The following OPTC variants were observed in gnomAD, a reference collection of about 807,000 sequenced individuals.
The protein encoded by OPTC is opticin.
In OPTC, 22 loss-of-function variants were observed where a neutral mutation model predicts 25.4. The observed-to-expected ratio is 0.87, with a 90% CI of 0.62 to 1.24. The LOEUF (loss-of-function observed/expected upper bound fraction) is 1.24, where lower values mean the gene tolerates loss of function less well. OPTC is among the 50% of genes most tolerant of loss of function. OPTC has a pLI of 0.00. For missense variants in OPTC, 417 were observed against 425.2 expected (o/e 0.98, Z 0.17); for synonymous variants, 169 against 179.3 (o/e 0.94, Z 0.46).
At chr1:203,502,148 A>C (rs943979073) in intron 5 of OPTC, among the ~76,000 whole-genome samples, 1 of 152,258 alleles carries the variant, frequency 6.6e-6, no homozygotes, top group Non-Finnish European at 1.5e-5. Context: ...TAGATGCTCC[A>C]TAAATGGTAA....
chr1:203,506,196 G>C (rs1225406187), intron 7 of OPTC, among the ~76,000 whole-genome samples: 1 of 143,700 alleles, frequency 7.0e-6, no homozygotes, highest in Non-Finnish European at 1.5e-5. Context: ...TTGTTGCCCA[G>C]GGGGGAGTGC....
rs1661344121 is a variant in OPTC at position 203,499,732 on chromosome 1, G to C, written c.613G>C (p.Asp205His). The C allele has an allele frequency of 6.2e-7, 1 of 1,613,160 alleles. No homozygotes were observed. The change falls in exon 5 of 8, where the codon GAC becomes CAC. Residue 205 changes from aspartate (D) to histidine (H), a missense_variant. Coordinates refer to ENST00000367222, the MANE Select transcript of OPTC (RefSeq NM_014359.4). Reference protein sequence around the residue: ...DAFRLLHALQDLILPENQLEA... With the variant: ...DAFRLLHALQHLILPENQLEA... ...CTTCCGCCTGCTACATGCCCTCCAG[G>C]ACCTCATCCTCCCAGAGAACCAGTT...
chr1:203,494,887 C>T (rs918136901), intron 1 of OPTC, among the ~76,000 whole-genome samples: 5 of 152,072 alleles, frequency 3.3e-5, no homozygotes, highest in Non-Finnish European at 7.4e-5. Flanking sequence ...CACATACATA[C>T]GCAGGCATCT....
rs577033227 is a variant in OPTC, at chr1:203,505,173, G to A, written c.*25+1428G>A. Reference sequence around the variant, plus strand: ...CTTATGGAGCACCCACTGCTACGTGGTGATAAGATGGTACGCAACAGAAAC... The same window carrying A: ...CTTATGGAGCACCCACTGCTACGTGATGATAAGATGGTACGCAACAGAAAC... On this transcript the variant is annotated intron_variant, in intron 7 of 7. Coordinates refer to ENST00000367222, the MANE Select transcript of OPTC (RefSeq NM_014359.4). 7.2e-5 allele frequency among the ~76,000 whole-genome samples: 11 copies of A among 152,314 alleles called. No individual in the cohort carries two copies. In the South Asian group the frequency reaches 2.3e-3, roughly 32 times the overall value.
intron 4 of OPTC, among the ~76,000 whole-genome samples, chr1:203,499,290 C>G (rs1329853678): frequency 1.3e-5 from 2 of 152,220 alleles, no homozygotes; most frequent in East Asian, 3.9e-4. Context: ...ACTAATTACC[C>G]AGAGCCTTTC....
rs150746959 is a variant in OPTC, at chr1:203,503,716, C to G, written c.995C>G (p.Thr332Arg). The G allele has an allele frequency of 7.5e-6, 12 of 1,605,016 alleles. No individual in the cohort carries two copies. In the African/African-American group the frequency reaches 1.2e-4, roughly 16 times the overall value. ...CCTCGGCTCCCCATCGGCCGCTTCA[C>G]GTAGCTCGGAGCCCTTCCACTCCTC... ...CLPRLPIGRF[T>R] Residue 332 changes from threonine to arginine, a missense_variant, in exon 7 of 8, where the codon ACG becomes AGG. Coordinates refer to ENST00000367222, the MANE Select transcript of OPTC (RefSeq NM_014359.4).
chr1:203,499,740 C>A lies in OPTC; in HGVS notation c.621C>A (p.Ile207=), dbSNP rs766222157. Residue 207 remains isoleucine (I), a synonymous_variant, in exon 5 of 8, where the codon ATC becomes ATA. Coordinates refer to ENST00000367222, the MANE Select transcript of OPTC (RefSeq NM_014359.4). The part of the protein sequence containing the change: ...FRLLHALQDL[I]LPENQLEALP... The stretch of plus-strand genomic sequence containing the variant: ...TGCTACATGCCCTCCAGGACCTCAT[C>A]CTCCCAGAGAACCAGTTGGAAGCTC... 1 of 1,613,304 alleles carries A rather than the reference C, an allele frequency of 6.2e-7. No individual in the cohort carries two copies.
rs140240915 is a variant in OPTC at position 203,501,979 on chromosome 1, G to C, written c.733-935G>C. Among the ~76,000 whole-genome samples, 5 of 152,196 alleles carry C rather than the reference G, an allele frequency of 3.3e-5. No homozygotes were observed. The East Asian group carries it at 9.7e-4, about 29-fold the overall frequency. ...AGCCCAGGATAAGGCCTGGGCTTTG[G>C]AGCCACAGAGACCTGGGTTTGTGCG... On this transcript the variant is annotated intron_variant, in intron 5 of 7. Transcript: ENST00000367222.
At chr1:203,495,939 T>C in intron 1 of OPTC, 26 bp from the exon 2 acceptor site, 2 of 1,076,800 alleles carry the variant, frequency 1.9e-6, no homozygotes, top group South Asian at 2.7e-5. Flanking sequence ...CTCAGATCGC[T>C]GCCCTTCCTC....
intron 2 of OPTC, 76 bp from the exon 3 acceptor site, chr1:203,496,901 G>T: frequency 6.7e-7 from 1 of 1,487,092 alleles, no homozygotes. Flanking sequence ...ATCCATCACT[G>T]AGGTTCCCAG....
At chr1:203,498,117 C>G (rs913507705) in intron 3 of OPTC, among the ~76,000 whole-genome samples, 5 of 152,184 alleles carry the variant, frequency 3.3e-5, no homozygotes, top group Non-Finnish European at 5.9e-5. Flanking sequence ...CCCGTGGGTA[C>G]AGAGACAGGG....
chr1:203,502,965 A>G lies in OPTC; in HGVS notation c.784A>G (p.Ile262Val), dbSNP rs745530854. 1 of 1,613,764 alleles carries G rather than the reference A, an allele frequency of 6.2e-7. No individual in the cohort carries two copies. The change falls in exon 6 of 8, where the codon ATC becomes GTC. Residue 262 changes from isoleucine to valine, a missense_variant. Transcript: ENST00000367222. ...LYLSDNLLDSIPGPLPLSLRS... is the reference protein window; with the variant it reads ...LYLSDNLLDSVPGPLPLSLRS... ...CCTGTCAGACAACCTGCTGGATTCT[A>G]TCCCGGGGCCTTTGCCCCTGAGCCT...
rs199958633 is a variant in OPTC, at chr1:203,503,527, C to T, written c.829-23C>T. On this transcript the variant is annotated intron_variant, in intron 6 of 7. Coordinates refer to ENST00000367222, the MANE Select transcript of OPTC (RefSeq NM_014359.4). Reference sequence around the variant, plus strand: ...AGGGGCAGAGCCTCTTGGTGAGGCTCAGCTGGTATGTGTTCTTCCCAGAAT... The same window carrying T: ...AGGGGCAGAGCCTCTTGGTGAGGCTTAGCTGGTATGTGTTCTTCCCAGAAT... The T allele has an allele frequency of 1.5e-4, 246 of 1,612,292 alleles. No individual in the cohort carries two copies. In the African/African-American group the frequency reaches 2.9e-3, roughly 19 times the overall value.
At chr1:203,502,689 A>T (rs1469834920) in intron 5 of OPTC, among the ~76,000 whole-genome samples, 1 of 152,182 alleles carries the variant, frequency 6.6e-6, no homozygotes, top group East Asian at 1.9e-4. Context: ...CTGGCACCTC[A>T]ATGGTAGCAG....
At chr1:203,504,664 T>G (rs1661448249) in intron 7 of OPTC, among the ~76,000 whole-genome samples, 1 of 152,164 alleles carries the variant, frequency 6.6e-6, no homozygotes, top group Admixed American at 6.5e-5. Context: ...GGCCTCCTGT[T>G]AGATTTGGAG....
chr1:203,502,887 C>G, intron 5 of OPTC, 27 bp from the exon 6 acceptor site: 1 of 1,585,446 alleles, frequency 6.3e-7, no homozygotes, highest in South Asian at 1.1e-5. Context: ...ACCCACCAGC[C>G]TCCTACACTC....
chr1:203,499,811 A>G lies in OPTC; in HGVS notation c.692A>G (p.Asn231Ser). 6.2e-7 allele frequency: 1 copy of G among 1,612,454 alleles called. No homozygotes were observed. The highest frequency in any genetic ancestry group is 8.5e-7 in the Non-Finnish European group (1 of 1,179,830). Reference sequence around the variant, plus strand: ...ATTGAGTTCCTGGATGTCCGCCTAAATCGGCTCCAGAGCTCGGGGATACAG... The same window carrying G: ...ATTGAGTTCCTGGATGTCCGCCTAAGTCGGCTCCAGAGCTCGGGGATACAG... ...SGIEFLDVRL[N>S]RLQSSGIQPA... Residue 231 changes from asparagine (N) to serine (S), a missense_variant, in exon 5 of 8, where the codon AAT becomes AGT. Asn to Ser is a conservative substitution (Grantham distance 46, BLOSUM62 1). Transcript: ENST00000367222.
At chr1:203,505,254 A>G (rs1248837602) in intron 7 of OPTC, among the ~76,000 whole-genome samples, 1 of 139,538 alleles carries the variant, frequency 7.2e-6, no homozygotes, top group Non-Finnish European at 1.6e-5. Flanking sequence ...GTGTGAAACA[A>G]ATAAGCACAC....
At position 203,508,451 on chromosome 1, in the gene OPTC, C is replaced by A. The variant is rs549735003; in HGVS notation, c.*26-195C>A. Among the ~76,000 whole-genome samples, 10 of 152,298 alleles carry A rather than the reference C, an allele frequency of 6.6e-5. No homozygotes were observed. The East Asian group carries it at 1.7e-3, about 26-fold the overall frequency. ...CACGGCCCCCCATCTCTGCCGCACC[C>A]CTACATGCCTGTGTCTGTGTCCTCC... On this transcript the variant is annotated intron_variant, in intron 7 of 7. Transcript: ENST00000367222.
Sources: allele counts gnomAD v4.1 joint callset (sites outside exome capture counted in the v4.1 genomes callset), GRCh38; gene constraint gnomAD v4.1.1; transcripts MANE v1.5; gene names NCBI Gene and HGNC (gene_info 2026-07-23, HGNC 2026-07-21).